The following RTTN variants were observed in gnomAD, a reference collection of about 807,000 sequenced individuals.
RTTN encodes rotatin.
RTTN carries 182 observed loss-of-function variants against 269.2 expected under a neutral mutation model. The observed-to-expected ratio is 0.68, with a 90% confidence interval of 0.60 to 0.76. The LOEUF (loss-of-function observed/expected upper bound fraction) is 0.76. Ranked by LOEUF, RTTN falls within the 30% of genes least tolerant of loss-of-function variation. RTTN has a pLI of 0.00. For missense variants in RTTN, 2,545 were observed against 2,608.6 expected, an observed-to-expected ratio of 0.98 and a Z score of 0.53; for synonymous variants, 1,006 against 963.5, an observed-to-expected ratio of 1.04 and a Z score of -0.82.
At chr18:70,010,308 T>C (rs1453192579) in intron 46 of RTTN, among the ~76,000 whole-genome samples, 1 of 152,162 alleles carries the variant, frequency 6.6e-6, no homozygotes, top group Admixed American at 6.5e-5. Flanking sequence ...CACATCGCAC[T>C]TATTCTAAAA....
intron 8 of RTTN, among the ~76,000 whole-genome samples, chr18:70,192,684 A>G (rs958857808): frequency 8.6e-5 from 13 of 151,396 alleles, no homozygotes; most frequent in African/African-American, 1.2e-4. Flanking sequence ...AAAAAAAAAA[A>G]AAAAAGAAAA....
At chr18:70,047,726 T>A (rs1440498089) in intron 40 of RTTN, among the ~76,000 whole-genome samples, 1 of 152,234 alleles carries the variant, frequency 6.6e-6, no homozygotes, top group Non-Finnish European at 1.5e-5. Flanking sequence ...TAGATTTAGA[T>A]TAGTAATATT....
At chr18:70,125,894 G>C (rs1028427611) in intron 25 of RTTN, among the ~76,000 whole-genome samples, 28 of 151,998 alleles carry the variant, frequency 1.8e-4, no homozygotes, top group African/African-American at 6.3e-4. Flanking sequence ...GAAAAAAGGT[G>C]GATTCTGTGA....
At chr18:70,059,632 T>C (rs2057918527) in intron 36 of RTTN, among the ~76,000 whole-genome samples, 1 of 152,088 alleles carries the variant, frequency 6.6e-6, no homozygotes, top group Non-Finnish European at 1.5e-5. Flanking sequence ...TCTTTGGCCT[T>C]AATAGTCAAG....
chr18:70,044,713 G>A (rs1190972363), intron 40 of RTTN, among the ~76,000 whole-genome samples: 1 of 152,102 alleles, frequency 6.6e-6, no homozygotes, highest in Non-Finnish European at 1.5e-5. Flanking sequence ...TCTTCGTCTT[G>A]TGATTCATCA....
intron 17 of RTTN, among the ~76,000 whole-genome samples, chr18:70,146,519 C>G (rs528117734): frequency 1.2e-4 from 19 of 152,286 alleles, no homozygotes; most frequent in Non-Finnish European, 1.8e-4. Context: ...AGCAATAATA[C>G]AAGTTGCCAG....
intron 16 of RTTN, 46 bp downstream of exon 16, chr18:70,149,925 C>G (rs2060493063): frequency 7.7e-7 from 1 of 1,294,060 alleles, no homozygotes; most frequent in Non-Finnish European, 1.1e-6. Flanking sequence ...CAATCACACC[C>G]AGCCAAAGAT....
At chr18:70,140,258 C>T (rs2060223319) in intron 19 of RTTN, 70 bp from the exon 20 acceptor site, 1 of 825,936 alleles carries the variant, frequency 1.2e-6, no homozygotes, top group Non-Finnish European at 2.0e-6. Flanking sequence ...TTTTGAAATA[C>T]TCAGAACTGA....
chr18:70,091,440 G>A (rs1016839662), intron 30 of RTTN: 1 of 151,884 alleles, frequency 6.6e-6, no homozygotes, highest in East Asian at 1.9e-4. Flanking sequence ...AGACAAATCT[G>A]TCTCTATACC....
intron 14 of RTTN, among the ~76,000 whole-genome samples, chr18:70,161,030 G>A (rs1344004309): frequency 2.0e-5 from 3 of 152,058 alleles, no homozygotes; most frequent in East Asian, 1.9e-4. Flanking sequence ...AAAAGAGACC[G>A]AATAGCCAAA....
At chr18:70,071,665 T>A (rs1027539709) in intron 34 of RTTN, among the ~76,000 whole-genome samples, 1 of 152,184 alleles carries the variant, frequency 6.6e-6, no homozygotes, top group Non-Finnish European at 1.5e-5. Context: ...TTACTCTATC[T>A]GCAGTTTATC....
In RTTN at chr18:70,127,515, TGTGC is replaced by T; in HGVS notation, c.3366_3369del (p.Trp1122Ter). On this transcript the variant is annotated frameshift_variant, in exon 25 of 49. Transcript: ENST00000640769. LOFTEE classifies it high-confidence loss of function. ...CCTTACACTGACCTGTTTAGTGCGG[TGTGC>T]CAAGCCAAGGACTTCAAGGTAACCC... 1 of 1,613,342 alleles carries T rather than the reference TGTGC, an allele frequency of 6.2e-7. No individual in the cohort carries two copies. The highest frequency in any genetic ancestry group is 8.5e-7 in the Non-Finnish European group (1 of 1,179,588).
intron 36 of RTTN, among the ~76,000 whole-genome samples, chr18:70,059,214 T>C (rs1358157059): frequency 6.6e-6 from 1 of 152,212 alleles, no homozygotes; most frequent in African/African-American, 2.4e-5. Flanking sequence ...TTCCCAAGGC[T>C]GCAAGCTACT....
chr18:70,054,075 G>GT (rs1351441218), intron 38 of RTTN, 56 bp downstream of exon 38: 59 of 1,420,086 alleles, frequency 4.2e-5, no homozygotes, highest in African/African-American at 7.1e-5. Flanking sequence ...AACAGAGTAA[G>GT]TTTTTTTTCC....
intron 11 of RTTN, among the ~76,000 whole-genome samples, chr18:70,172,675 A>G (rs1366308928): frequency 3.3e-5 from 5 of 152,092 alleles, no homozygotes; most frequent in South Asian, 2.1e-4. Context: ...CGGAAACAAT[A>G]AAACAATAAC....
At chr18:70,119,324 C>CA (rs5825993) in intron 26 of RTTN, among the ~76,000 whole-genome samples, 124,705 of 151,114 alleles carry the variant, frequency 0.83, 54,797 homozygotes, top group East Asian at 1. Flanking sequence ...AAATAGCTAC[C>CA]AAAAAAAATT....
intron 27 of RTTN, among the ~76,000 whole-genome samples, chr18:70,111,357 G>A (rs2059461227): frequency 6.6e-6 from 1 of 152,202 alleles, no homozygotes; most frequent in Admixed American, 6.5e-5. Flanking sequence ...AGCTTCCAGA[G>A]GAAAGATCAG....
At position 70,075,566 on chromosome 18, in the gene RTTN, A is replaced by T. The variant is rs772133673; in HGVS notation, c.4375-25T>A. ...CCTGTAGGAAGAGAGGGAAAGAAGG[A>T]GGAGACACTGATTTATCCAACAATT... On this transcript the variant is annotated intron_variant, in intron 32 of 48. Transcript: ENST00000640769. The T allele has an allele frequency of 4.0e-6, 6 of 1,496,250 alleles. No individual in the cohort carries two copies. The East Asian group carries it at 1.5e-4, about 37-fold the overall frequency. 92.7% of individuals were successfully genotyped at this position (1,496,250 alleles called of 1,614,324 possible). A position where few individuals can be genotyped will look rare whatever the true frequency, so the allele number is the denominator to read the frequency against.
In RTTN at chr18:70,054,133, A is replaced by C; in HGVS notation, c.5183T>G (p.Leu1728Ter). 6.2e-7 allele frequency: 1 copy of C among 1,611,244 alleles called. No homozygotes were observed. The highest frequency in any genetic ancestry group is 1.3e-5 in the African/African-American group (1 of 74,976). ...TAAACTAAAACAATTAAGCTTACCT[A>C]ATACATCTTTGGTACATATGGTGAG... ...GILTICTKDV[L>*]DKELISAFYH... The change falls in exon 38 of 49, where the codon TTA becomes TGA. Residue 1728 changes from leucine (L) to a stop codon, truncating the protein, a stop_gained and splice_region_variant. Coordinates refer to ENST00000640769, the MANE Select transcript of RTTN (RefSeq NM_173630.4). LOFTEE classifies it high-confidence loss of function.
Sources: gnomAD v4.1 joint callset for allele counts (sites outside exome capture counted in the v4.1 genomes callset) on GRCh38, gnomAD v4.1.1 for gene constraint, MANE v1.5 for transcripts, NCBI Gene and HGNC (gene_info 2026-07-23, HGNC 2026-07-21) for gene names.